Variants in RNLS observed in about 807,000 individuals in gnomAD.
RNLS encodes the protein renalase, FAD dependent amine oxidase.
A neutral mutation model predicts 39.8 loss-of-function variants in RNLS; 39 were observed. The observed-to-expected ratio is 0.98, with a 90% confidence interval of 0.76 to 1.28. RNLS has a LOEUF of 1.28. Ranked by LOEUF, RNLS falls within the 50% of genes most tolerant of loss-of-function variation. RNLS has a pLI of 0.00. For synonymous variants in RNLS, 147 were observed against 150.7 expected, an observed-to-expected ratio of 0.98 and a Z score of 0.18; for missense variants, 410 against 413.3, an observed-to-expected ratio of 0.99 and a Z score of 0.07.
downstream of RNLS, among the ~76,000 whole-genome samples, chr10:88,273,078 C>T (rs1842694104): frequency 6.6e-6 from 1 of 152,188 alleles, no homozygotes; most frequent in South Asian, 2.1e-4. Context: ...GGATGGTGGT[C>T]ACCCAGCCTC....
intron 4 of RNLS, among the ~76,000 whole-genome samples, chr10:88,490,420 T>C (rs971381225): frequency 2.6e-5 from 4 of 152,170 alleles, no homozygotes; most frequent in Non-Finnish European, 4.4e-5. Context: ...AATGTGCATA[T>C]ACAAAGTGAA....
intron 4 of RNLS, among the ~76,000 whole-genome samples, chr10:88,397,817 C>T (rs772878797): frequency 6.6e-6 from 1 of 151,868 alleles, no homozygotes; most frequent in African/African-American, 2.4e-5. Flanking sequence ...AGGACTCACA[C>T]TTCCCAATTT....
At chr10:88,210,886 AGT>A in the RNLS span, among the ~76,000 whole-genome samples, 1 of 152,080 alleles carries the variant, frequency 6.6e-6, no homozygotes, top group East Asian at 1.9e-4. Context: ...GGGTGAGGCG[AGT>A]CCCAGTGTAC....
chr10:88,495,149 C>T (rs1749304961), intron 4 of RNLS, among the ~76,000 whole-genome samples: 1 of 152,152 alleles, frequency 6.6e-6, no homozygotes, highest in African/African-American at 2.4e-5. Flanking sequence ...AAACATCCCA[C>T]TCTTTTTTTA....
intron 5 of RNLS, among the ~76,000 whole-genome samples, chr10:88,353,409 T>C (rs1463407705): frequency 6.6e-6 from 1 of 152,252 alleles, no homozygotes; most frequent in Non-Finnish European, 1.5e-5. Context: ...TGGTATGTTG[T>C]GTCTTTGTTC....
chr10:88,336,507 G>A (rs748049611), intron 5 of RNLS, among the ~76,000 whole-genome samples: 31 of 152,270 alleles, frequency 2.0e-4, no homozygotes, highest in African/African-American at 7.2e-4. Context: ...AACCCCACAC[G>A]ATGAATTGAA....
intron 4 of RNLS, among the ~76,000 whole-genome samples, chr10:88,490,476 A>C (rs1844817101): frequency 6.6e-6 from 1 of 152,218 alleles, no homozygotes. Context: ...AAATCAGATA[A>C]TACAGAAAGT....
chr10:88,541,895 C>T (rs769887144), intron 4 of RNLS, among the ~76,000 whole-genome samples: 1 of 151,900 alleles, frequency 6.6e-6, no homozygotes. Context: ...GTCTGGTGAG[C>T]ATAGGGCATG....
intron 4 of RNLS, among the ~76,000 whole-genome samples, chr10:88,503,137 C>G (rs1237293690): frequency 1.3e-5 from 2 of 152,040 alleles, no homozygotes; most frequent in Non-Finnish European, 2.9e-5. Context: ...TCCCAGCACT[C>G]TGGGAGGCCA....
intron 4 of RNLS, among the ~76,000 whole-genome samples, chr10:88,364,160 T>A (rs1427266780): frequency 1.3e-5 from 2 of 152,174 alleles, no homozygotes; most frequent in East Asian, 3.9e-4. Context: ...AAGGTCATAG[T>A]TCTGTTCTGC....
downstream of RNLS, among the ~76,000 whole-genome samples, chr10:88,282,860 T>C (rs1029953425): frequency 6.6e-6 from 1 of 152,194 alleles, no homozygotes; most frequent in Admixed American, 6.5e-5. Context: ...TCATAAAGTT[T>C]TATTCTGGCA....
chr10:88,578,213 A>C lies in RNLS; in HGVS notation c.367+3354T>G, dbSNP rs145417194. On this transcript the variant is annotated intron_variant, in intron 3 of 6. Transcript: ENST00000331772. Reference sequence around the variant, plus strand: ...ACAACACTTTGTAGCAAGAACTTCCATTACAATATTCTGTAGTAAGTACCC... The same window carrying C: ...ACAACACTTTGTAGCAAGAACTTCCCTTACAATATTCTGTAGTAAGTACCC... Among the ~76,000 whole-genome samples the C allele has an allele frequency of 1.5e-3, 221 of 152,232 alleles. 1 individual carries two copies. Among genetic ancestry groups the C allele is most frequent in the African/African-American group, 5.1e-3 (212 of 41,574 alleles).
chr10:88,506,532 CAA>C (rs1845804351), intron 4 of RNLS, among the ~76,000 whole-genome samples: 1 of 151,058 alleles, frequency 6.6e-6, no homozygotes. Context: ...AAAAATAAAA[CAA>C]ATGAGCAAAA....
chr10:88,513,285 CT>C (rs138655083), intron 4 of RNLS, among the ~76,000 whole-genome samples: 1 of 152,200 alleles, frequency 6.6e-6, no homozygotes, highest in East Asian at 1.9e-4. Flanking sequence ...ACACAAACAT[CT>C]GTCTCATTCT....
At chr10:88,227,993 G>A in the RNLS span, among the ~76,000 whole-genome samples, 3 of 152,008 alleles carry the variant, frequency 2.0e-5, no homozygotes, top group Admixed American at 2.0e-4. Flanking sequence ...ATTCATCCTG[G>A]GCCTAGATTT....
At chr10:88,469,987 T>C (rs1235878699) in intron 4 of RNLS, among the ~76,000 whole-genome samples, 6 of 151,906 alleles carry the variant, frequency 3.9e-5, no homozygotes, top group Admixed American at 3.9e-4. Context: ...TATATTTATA[T>C]ATAGTCTGTT....
At chr10:88,220,066 G>A in the RNLS span, among the ~76,000 whole-genome samples, 153 of 152,288 alleles carry the variant, frequency 1.0e-3, 2 homozygotes, top group Non-Finnish European at 1.9e-3. Context: ...GGCCAAGGGT[G>A]GACAGGGCAT....
At chr10:88,280,549 G>A (rs566195214), downstream of RNLS, among the ~76,000 whole-genome samples, 1 of 152,186 alleles carries the variant, frequency 6.6e-6, no homozygotes, top group South Asian at 2.1e-4. Flanking sequence ...TAAAACAGGG[G>A]TCAGTAAACA....
intron 5 of RNLS, among the ~76,000 whole-genome samples, chr10:88,343,018 T>C (rs1848065205): frequency 6.6e-6 from 1 of 152,194 alleles, no homozygotes; most frequent in Non-Finnish European, 1.5e-5. Context: ...GTCTAAAGTA[T>C]CTGGCCTTTA....
Sources: allele counts gnomAD v4.1 joint callset (sites outside exome capture counted in the v4.1 genomes callset), GRCh38; gene constraint gnomAD v4.1.1; transcripts MANE v1.5; gene names NCBI Gene and HGNC (gene_info 2026-07-23, HGNC 2026-07-21).